The following IQCJ variants were observed in gnomAD, a reference collection of about 807,000 sequenced individuals.
IQCJ encodes the protein IQ motif containing J.
Under a neutral mutation model 11.0 loss-of-function variants are expected in IQCJ, and 9 were observed. The ratio of observed to expected loss-of-function variants is 0.82; its 90% CI spans 0.49 to 1.43. IQCJ has a LOEUF of 1.43. Ranked by LOEUF, IQCJ falls within the 40% of genes most tolerant of loss-of-function variation. The probability of loss-of-function intolerance (pLI) is 0.00; values close to 1 mark genes in which losing one functional copy is unlikely to be tolerated. For missense variants in IQCJ, 146 were observed against 133.2 expected (o/e 1.10, Z -0.47); for synonymous variants, 55 against 51.3 (o/e 1.07, Z -0.31).
intron 1 of IQCJ, among the ~76,000 whole-genome samples, chr3:159,177,947 A>G (rs930123882): frequency 8.5e-5 from 13 of 152,216 alleles, no homozygotes; most frequent in Non-Finnish European, 1.6e-4. Context: ...TCAGGGATAG[A>G]TAGTGAATAA....
chr3:159,082,107 T>C (rs1716352980), intron 1 of IQCJ, among the ~76,000 whole-genome samples: 1 of 152,134 alleles, frequency 6.6e-6, no homozygotes, highest in South Asian at 2.1e-4. Flanking sequence ...AAATCTATGA[T>C]GTACTAACAT....
Position 159,119,334 on chromosome 3 carries a change from T to C in IQCJ, c.9+49893T>C, listed in dbSNP as rs114928039. Among the ~76,000 whole-genome samples the C allele has an allele frequency of 6.0e-3, 919 of 152,306 alleles. 11 individuals are homozygous for C. Among genetic ancestry groups the C allele is most frequent in the African/African-American group, 0.021 (868 of 41,566 alleles). ...AGGATCTGTTCTGAACTGTGTGCAT[T>C]GCCATCTTCAGTCTTATAAAACTAA... On this transcript the variant is annotated intron_variant, in intron 1 of 3. Transcript: ENST00000397832.
chr3:159,258,335 G>GA (rs1322536393), intron 3 of IQCJ, among the ~76,000 whole-genome samples: 3 of 152,142 alleles, frequency 2.0e-5, no homozygotes, highest in Non-Finnish European at 4.4e-5. Context: ...TCTCCAAACT[G>GA]AACCAACCAC....
At chr3:159,251,135 G>T (rs1347012633) in intron 2 of IQCJ, among the ~76,000 whole-genome samples, 1 of 152,066 alleles carries the variant, frequency 6.6e-6, no homozygotes, top group Non-Finnish European at 1.5e-5. Flanking sequence ...ATCTTGGGGT[G>T]CTGACACCAC....
chr3:159,143,131 C>G (rs1279868506), intron 1 of IQCJ, among the ~76,000 whole-genome samples: 1 of 152,120 alleles, frequency 6.6e-6, no homozygotes, highest in East Asian at 1.9e-4. Flanking sequence ...GTTTTTGGAA[C>G]AAAACACTGA....
intron 1 of IQCJ, among the ~76,000 whole-genome samples, chr3:159,170,643 C>CT (rs141891539): frequency 5.0e-4 from 74 of 146,704 alleles, no homozygotes; most frequent in Middle Eastern, 3.5e-3. Context: ...GCTCCTCACC[C>CT]TTTTTTTTTT....
intron 1 of IQCJ, among the ~76,000 whole-genome samples, chr3:159,131,053 AG>A (rs1190321346): frequency 1.3e-5 from 2 of 152,188 alleles, no homozygotes; most frequent in Non-Finnish European, 1.5e-5. Flanking sequence ...AGTATGTAAA[AG>A]AATTGGTAAA....
chr3:159,152,010 C>T (rs1292469397), intron 1 of IQCJ, among the ~76,000 whole-genome samples: 1 of 152,188 alleles, frequency 6.6e-6, no homozygotes, highest in Non-Finnish European at 1.5e-5. Flanking sequence ...CACTACCCTT[C>T]CCAGCCAGAT....
chr3:159,179,371 C>T (rs1347361621), intron 1 of IQCJ, among the ~76,000 whole-genome samples: 2 of 152,040 alleles, frequency 1.3e-5, no homozygotes, highest in African/African-American at 4.8e-5. Flanking sequence ...CAGCAGTGAC[C>T]CTGGAAGCTT....
chr3:159,090,727 C>T (rs1717213682), intron 1 of IQCJ, among the ~76,000 whole-genome samples: 1 of 151,856 alleles, frequency 6.6e-6, no homozygotes, highest in Non-Finnish European at 1.5e-5. Flanking sequence ...GGGTCTGGGA[C>T]AGCCAGGCCT....
rs1056975025 is a variant in IQCJ at position 159,227,786 on chromosome 3, G to A, written c.10-18057G>A. 5.3e-5 allele frequency among the ~76,000 whole-genome samples: 8 copies of A among 152,178 alleles called. No homozygotes were observed. The East Asian group carries it at 5.8e-4, about 11-fold the overall frequency. On this transcript the variant is annotated intron_variant, in intron 1 of 3. Coordinates refer to ENST00000397832, the MANE Select transcript of IQCJ (RefSeq NM_001042706.3). ...TTTATCAAAAAAGGAATGCATTTTC[G>A]GAAGAGCCTTTCCAATACAGGTGAG...
chr3:159,091,662 A>ACACG lies in IQCJ; in HGVS notation c.9+22224_9+22225insGCAC, dbSNP rs1553775108. On this transcript the variant is annotated intron_variant, in intron 1 of 3. Coordinates refer to ENST00000397832, the MANE Select transcript of IQCJ (RefSeq NM_001042706.3). ...AAGGGGTATTTACACACACACACAC[A>ACACG]CACACACGCATGCACACACACACAC... 2.9e-3 allele frequency among the ~76,000 whole-genome samples: 156 copies of ACACG among 53,440 alleles called. 2 individuals carry two copies. Among genetic ancestry groups the ACACG allele is most frequent in the East Asian group, 0.016 (11 of 670 alleles). The allele number at this position is 53,440 out of a possible 152,430, so 35.1% of individuals were successfully genotyped here.
At chr3:159,135,391 C>T (rs1720229926) in intron 1 of IQCJ, among the ~76,000 whole-genome samples, 1 of 152,148 alleles carries the variant, frequency 6.6e-6, no homozygotes, top group Non-Finnish European at 1.5e-5. Flanking sequence ...GTAAGAAATA[C>T]TGGACTGTGT....
At chr3:159,151,499 C>T (rs1721215487) in intron 1 of IQCJ, among the ~76,000 whole-genome samples, 1 of 152,224 alleles carries the variant, frequency 6.6e-6, no homozygotes, top group African/African-American at 2.4e-5. Context: ...CTGCTGTCTC[C>T]CCAGCCTGTC....
chr3:159,167,366 C>G (rs1012523648), intron 1 of IQCJ, among the ~76,000 whole-genome samples: 1 of 152,060 alleles, frequency 6.6e-6, no homozygotes, highest in East Asian at 1.9e-4. Flanking sequence ...AAATTGGAAC[C>G]GAGAACTTTC....
At chr3:159,183,422 G>A (rs989908772) in intron 1 of IQCJ, among the ~76,000 whole-genome samples, 1 of 151,934 alleles carries the variant, frequency 6.6e-6, no homozygotes, top group East Asian at 1.9e-4. Context: ...TCTATACTTT[G>A]TCTGTTATGC....
intron 1 of IQCJ, among the ~76,000 whole-genome samples, chr3:159,234,767 T>G (rs1726479201): frequency 6.6e-6 from 1 of 152,028 alleles, no homozygotes. Context: ...AAGGGGGAGA[T>G]AGATCGGTAT....
chr3:159,107,105 C>T (rs961132665), intron 1 of IQCJ, among the ~76,000 whole-genome samples: 2 of 152,046 alleles, frequency 1.3e-5, no homozygotes, highest in African/African-American at 2.4e-5. Context: ...AACTCTCATT[C>T]CTTTATCTGC....
At chr3:159,197,228 A>G (rs1480554744) in intron 1 of IQCJ, among the ~76,000 whole-genome samples, 2 of 152,188 alleles carry the variant, frequency 1.3e-5, no homozygotes, top group Admixed American at 6.5e-5. Flanking sequence ...AAAGTCCAGT[A>G]AGAGCTTCAT....
Sources: gnomAD v4.1 joint callset for allele counts (sites outside exome capture counted in the v4.1 genomes callset) on GRCh38, gnomAD v4.1.1 for gene constraint, MANE v1.5 for transcripts, NCBI Gene and HGNC (gene_info 2026-07-23, HGNC 2026-07-21) for gene names.